SMTNL2: variants seen among roughly 807,000 people sequenced by gnomAD.
SMTNL2 encodes smoothelin like 2, also known as smoothelin-like protein 2.
In SMTNL2, 43 loss-of-function variants were observed where a neutral mutation model predicts 44.1. That is an observed-to-expected ratio of 0.98 (90% confidence interval 0.76 to 1.26). SMTNL2 has a LOEUF of 1.26. Among genes scored for constraint, SMTNL2 ranks in the 50% most tolerant of loss-of-function variants. The probability of loss-of-function intolerance (pLI) is 0.00; values close to 1 mark genes in which losing one functional copy is unlikely to be tolerated. For synonymous variants in SMTNL2, 317 were observed against 287.6 expected (o/e 1.10, Z -1.03); for missense variants, 646 against 670.2 (o/e 0.96, Z 0.40).
chr17:4,587,985 G>A lies in SMTNL2; in HGVS notation c.399+2981G>A, dbSNP rs570122989. Among the ~76,000 whole-genome samples the A allele has an allele frequency of 3.9e-5, 6 of 152,336 alleles. No homozygotes were observed. In the East Asian group the frequency reaches 1.2e-3, roughly 29 times the overall value. On this transcript the variant is annotated intron_variant, in intron 1 of 7. Coordinates refer to ENST00000389313, the MANE Select transcript of SMTNL2 (RefSeq NM_001114974.2). Reference sequence around the variant, plus strand: ...GGTCCCTATGCCCGAGGCAGCGGAGGCCCCAGGAACAGCTGCCAGGAGCCC... The same window carrying A: ...GGTCCCTATGCCCGAGGCAGCGGAGACCCCAGGAACAGCTGCCAGGAGCCC...
At chr17:4,585,811 G>C (rs1237065093) in intron 1 of SMTNL2, among the ~76,000 whole-genome samples, 1 of 152,242 alleles carries the variant, frequency 6.6e-6, no homozygotes, top group Admixed American at 6.5e-5. Flanking sequence ...TGTGTAGCCT[G>C]CACCTGCTCC....
In SMTNL2 at chr17:4,595,317, G is replaced by GCGGC. The variant is rs1375789625; in HGVS notation, c.984_987dup (p.Lys330ArgfsTer71). The GCGGC allele has an allele frequency of 1.2e-6, 2 of 1,612,062 alleles. No individual in the cohort carries two copies. The highest frequency in any genetic ancestry group is 2.7e-5 in the African/African-American group (2 of 74,944). On this transcript the variant is annotated frameshift_variant, in exon 5 of 8. Transcript: ENST00000389313. LOFTEE classifies it high-confidence loss of function. This position sits in a 1 kb window ranked among gnomAD's most constrained non-coding sequence, Gnocchi z 5.1. Reference sequence around the variant, plus strand: ...GTTTGAGAAGTGGGAGCAGGAAACGGCGGCCGGCAAGTACGGATGCCCACT... The same window carrying GCGGC: ...GTTTGAGAAGTGGGAGCAGGAAACGGCGGCCGGCCGGCAAGTACGGATGCCCACT...
Position 4,607,085 on chromosome 17 carries a change from T to TA in SMTNL2, c.1260-266dup, listed in dbSNP as rs969137874. Among the ~76,000 whole-genome samples the TA allele has an allele frequency of 1.0e-3, 151 of 146,942 alleles. No homozygotes were observed. The highest frequency in any genetic ancestry group is 2.0e-3 in the African/African-American group (80 of 40,118). On this transcript the variant is annotated intron_variant, in intron 7 of 7. Transcript: ENST00000389313. The surrounding 1 kb of genome is among the most constrained non-coding windows in gnomAD (Gnocchi z 4.7). ...GGGCAACAGAGCAAGCCCCTGTCTC[T>TA]AAAAAAAAAACCCAAATTAAATAAA...
At chr17:4,596,772 G>A in intron 5 of SMTNL2, 88 bp from the exon 6 acceptor site, 3 of 1,204,186 alleles carry the variant, frequency 2.5e-6, no homozygotes, top group Non-Finnish European at 3.3e-6. Context: ...CTCCTTGGTG[G>A]TGCCAGGACA....
rs1305957575 is a variant in SMTNL2 at position 4,596,852 on chromosome 17, C to T, written c.990-8C>T. The stretch of plus-strand genomic sequence containing the variant: ...GGCCCCCGCAGCAGGCCTGCCGTCT[C>T]TCCGCAGGGGGAAAGGCGAGGCCCG... On this transcript the variant is annotated splice_polypyrimidine_tract_variant and splice_region_variant and intron_variant, in intron 5 of 7. Transcript: ENST00000389313. 6.2e-6 allele frequency: 9 copies of T among 1,451,298 alleles called. No homozygotes were observed. The highest frequency in any genetic ancestry group is 8.2e-6 in the Non-Finnish European group (9 of 1,100,818). 89.9% of individuals were successfully genotyped at this position (1,451,298 alleles called of 1,614,324 possible).
chr17:4,588,440 C>T (rs1448685218), intron 1 of SMTNL2, among the ~76,000 whole-genome samples: 2 of 152,186 alleles, frequency 1.3e-5, no homozygotes, highest in Non-Finnish European at 2.9e-5. Context: ...GGGTACCAGG[C>T]CAGCTCAACA....
chr17:4,596,722 C>T, intron 5 of SMTNL2, 138 bp from the exon 6 acceptor site: 1 of 679,162 alleles, frequency 1.5e-6, no homozygotes, highest in Non-Finnish European at 2.3e-6. Context: ...ACGTGTGCCA[C>T]CAGCATCTCC....
Position 4,592,971 on chromosome 17 carries a change from C to CT in SMTNL2, c.530_531insT (p.Pro178ThrfsTer28), listed in dbSNP as rs1342557988. On this transcript the variant is annotated frameshift_variant, in exon 3 of 8. Coordinates refer to ENST00000389313, the MANE Select transcript of SMTNL2 (RefSeq NM_001114974.2). LOFTEE classifies it high-confidence loss of function. The surrounding 1 kb of genome is among the most constrained non-coding windows in gnomAD (Gnocchi z 4.5). ...CCTGAGATTGCCCAAAACTTCTCAG[C>CT]ACCAGATCCCCCCAGGCCTCGTCCT... 1 of 1,613,904 alleles carries CT rather than the reference C, an allele frequency of 6.2e-7. No homozygotes were observed. Among genetic ancestry groups the CT allele is most frequent in the Non-Finnish European group, 8.5e-7 (1 of 1,179,944 alleles).
rs568136086 is a variant in SMTNL2, at chr17:4,590,984, T to C, written c.400-1377T>C. Among the ~76,000 whole-genome samples, 39 of 152,292 alleles carry C rather than the reference T, an allele frequency of 2.6e-4. 1 individual carries two copies. Among genetic ancestry groups the C allele is most frequent in the African/African-American group, 8.9e-4 (37 of 41,576 alleles). ...TGATCAGGATACCTGTGCCTTGATG[T>C]CTCTCTGCAAAAGCAGACACTAATC... is the stretch of plus-strand genomic sequence containing the variant. On this transcript the variant is annotated intron_variant, in intron 1 of 7. Coordinates refer to ENST00000389313, the MANE Select transcript of SMTNL2 (RefSeq NM_001114974.2).
chr17:4,602,646 C>T (rs1386199238), intron 7 of SMTNL2, among the ~76,000 whole-genome samples: 1 of 151,326 alleles, frequency 6.6e-6, no homozygotes, highest in African/African-American at 2.4e-5. Flanking sequence ...TTAGTAGAGA[C>T]GGGGTTTTGC....
At chr17:4,591,665 G>C (rs191834086) in intron 1 of SMTNL2, among the ~76,000 whole-genome samples, 3 of 152,234 alleles carry the variant, frequency 2.0e-5, no homozygotes, top group African/African-American at 2.4e-5. Context: ...TCTCAAACAG[G>C]GAAACAGACC....
At chr17:4,585,546 G>A (rs946539456) in intron 1 of SMTNL2, among the ~76,000 whole-genome samples, 21 of 152,348 alleles carry the variant, frequency 1.4e-4, no homozygotes, top group African/African-American at 3.8e-4. Flanking sequence ...CATCGCAGGG[G>A]GTAAATCCCT....
chr17:4,603,073 C>T (rs1231321215), intron 7 of SMTNL2, among the ~76,000 whole-genome samples: 2 of 152,216 alleles, frequency 1.3e-5, no homozygotes, highest in Non-Finnish European at 2.9e-5. Flanking sequence ...TGAAGACTTG[C>T]CACCAGGGCA....
chr17:4,595,889 C>T lies in SMTNL2; in HGVS notation c.989+562C>T, dbSNP rs546663259. On this transcript the variant is annotated intron_variant, in intron 5 of 7. Coordinates refer to ENST00000389313, the MANE Select transcript of SMTNL2 (RefSeq NM_001114974.2). The surrounding 1 kb of genome is among the most constrained non-coding windows in gnomAD (Gnocchi z 5.1). ...TGTCAGTGCATGGTATTGATGCCTG[C>T]TGTGTGCAGAGTGTGGCCCAAGCGT... 3.9e-5 allele frequency among the ~76,000 whole-genome samples: 6 copies of T among 152,178 alleles called. No homozygotes were observed. Among genetic ancestry groups the T allele is most frequent in the African/African-American group, 1.4e-4 (6 of 41,546 alleles).
chr17:4,596,112 C>T (rs1450477930), intron 5 of SMTNL2, among the ~76,000 whole-genome samples: 8 of 132,334 alleles, frequency 6.0e-5, no homozygotes, highest in African/African-American at 1.9e-4. Flanking sequence ...GTGGCCCAAG[C>T]GTGGTATTGA....
rs2150520531 is a variant in SMTNL2 at position 4,592,018 on chromosome 17, G to A, written c.400-343G>A. 6.6e-6 allele frequency among the ~76,000 whole-genome samples: 1 copy of A among 152,302 alleles called. No homozygotes were observed. The highest frequency in any genetic ancestry group is 2.1e-4 in the South Asian group (1 of 4,824). On this transcript the variant is annotated intron_variant, in intron 1 of 7. Coordinates refer to ENST00000389313, the MANE Select transcript of SMTNL2 (RefSeq NM_001114974.2). This position sits in a 1 kb window ranked among gnomAD's most constrained non-coding sequence, Gnocchi z 4.5. ...CCCAGCTGAGAGGGGCAGGGGGCGA[G>A]GCACTCCTGACCCCATCATCTGGTC...
At chr17:4,586,028 G>GGGTAT in intron 1 of SMTNL2, among the ~76,000 whole-genome samples, 1 of 152,152 alleles carries the variant, frequency 6.6e-6, no homozygotes. Context: ...TCTCAGCAAG[G>GGGTAT]CTTTGTGCTG....
chr17:4,607,741 C>G lies in SMTNL2; in HGVS notation c.*254C>G. On this transcript the variant is annotated 3_prime_UTR_variant, in exon 8 of 8. Coordinates refer to ENST00000389313, the MANE Select transcript of SMTNL2 (RefSeq NM_001114974.2). The surrounding 1 kb of genome is among the most constrained non-coding windows in gnomAD (Gnocchi z 4.7). ...GGAAAAATTATGAGAGAGAGAGAGA[C>G]ATTGGTGCTAAGTAATGATCTTCCT... 2.3e-6 allele frequency: 1 copy of G among 433,304 alleles called. No individual in the cohort carries two copies. The allele number at this position is 433,304 out of a possible 1,614,324, so 26.8% of individuals were successfully genotyped here. A position where few individuals can be genotyped will look rare whatever the true frequency, so the allele number is the denominator to read the frequency against.
chr17:4,594,176 C>T (rs759493421), intron 4 of SMTNL2, among the ~76,000 whole-genome samples: 9 of 152,066 alleles, frequency 5.9e-5, no homozygotes, highest in Admixed American at 2.0e-4. Context: ...TGGCCGGGCG[C>T]GGTGGCTCAC....
Sources: gnomAD v4.1 joint callset for allele counts (sites outside exome capture counted in the v4.1 genomes callset) on GRCh38, gnomAD v4.1.1 for gene constraint, Gnocchi (gnomAD v3.1) non-coding constraint, MANE v1.5 for transcripts, NCBI Gene and HGNC (gene_info 2026-07-23, HGNC 2026-07-21) for gene names.